Variants in SVIL observed in about 807,000 individuals in gnomAD.
SVIL encodes the protein archvillin.
SVIL carries 101 observed loss-of-function variants against 240.4 expected under a neutral mutation model. The observed-to-expected ratio is 0.42, with a 90% CI of 0.36 to 0.50. The LOEUF is 0.50. SVIL is among the 20% of genes least tolerant of loss of function. The pLI is 0.01. For synonymous variants in SVIL, 999 were observed against 1,100.0 expected, an observed-to-expected ratio of 0.91 and a Z score of 1.82; for missense variants, 2,512 against 2,818.7, an observed-to-expected ratio of 0.89 and a Z score of 2.46.
chr10:29,641,762 G>T (rs1241142738), intron 3 of SVIL, among the ~76,000 whole-genome samples: 2 of 152,178 alleles, frequency 1.3e-5, no homozygotes, highest in Non-Finnish European at 2.9e-5. Flanking sequence ...AAGACCTGCA[G>T]TGACTTACTT....
In SVIL at chr10:29,481,133, G is replaced by GGTGTGTGTGTGTGTGTGT. The variant is rs57479630; in HGVS notation, c.5101-338_5101-321dup. 1.5e-3 allele frequency among the ~76,000 whole-genome samples: 210 copies of GGTGTGTGTGTGTGTGTGT among 141,382 alleles called. 1 individual carries two copies. Among genetic ancestry groups the GGTGTGTGTGTGTGTGTGT allele is most frequent in the African/African-American group, 4.9e-3 (186 of 37,592 alleles). The allele number at this position is 141,382 out of a possible 152,430, so 92.8% of individuals were successfully genotyped here. ...CCTGGGAAGGCTTCCTAGCTTTAAG[G>GGTGTGTGTGTGTGTGTGT]GTGTGTGTGTGTGTGTGTGTGTGTG... On this transcript the variant is annotated intron_variant, in intron 28 of 37. Coordinates refer to ENST00000355867, the MANE Select transcript of SVIL (RefSeq NM_021738.3).
At chr10:29,627,291 C>G (rs1013568841) in intron 1 of SVIL, among the ~76,000 whole-genome samples, 3 of 152,084 alleles carry the variant, frequency 2.0e-5, no homozygotes, top group South Asian at 4.1e-4. Flanking sequence ...ATCTCTGAAA[C>G]CTTTGGATTA....
intron 3 of SVIL, among the ~76,000 whole-genome samples, chr10:29,654,503 T>C (rs1454059661): frequency 2.6e-5 from 4 of 152,188 alleles, no homozygotes; most frequent in Non-Finnish European, 4.4e-5. Context: ...TCTTTTCCAA[T>C]CTGGAAGCCT....
intron 2 of SVIL, among the ~76,000 whole-genome samples, chr10:29,681,063 C>T (rs543527726): frequency 5.9e-5 from 9 of 152,066 alleles, no homozygotes; most frequent in South Asian, 4.2e-4. Context: ...CACTGCAGGG[C>T]GGAAGAGAGG....
intron 1 of SVIL, among the ~76,000 whole-genome samples, chr10:29,725,729 C>T (rs1470850072): frequency 6.6e-6 from 1 of 152,130 alleles, no homozygotes; most frequent in South Asian, 2.1e-4. Context: ...TGGCCAGTTT[C>T]CGCAACGCTC....
At chr10:29,713,629 G>A (rs1381494726) in intron 1 of SVIL, among the ~76,000 whole-genome samples, 1 of 152,076 alleles carries the variant, frequency 6.6e-6, no homozygotes, top group African/African-American at 2.4e-5. Context: ...CTATTCTGGG[G>A]CAAATAGACA....
At chr10:29,492,766 T>C (rs1201224301) in intron 21 of SVIL, among the ~76,000 whole-genome samples, 1 of 152,224 alleles carries the variant, frequency 6.6e-6, no homozygotes, top group Non-Finnish European at 1.5e-5. Context: ...CTAAGTAACA[T>C]GCCTTACTGA....
At chr10:29,501,699 T>C (rs974321943) in intron 17 of SVIL, among the ~76,000 whole-genome samples, 13 of 152,186 alleles carry the variant, frequency 8.5e-5, no homozygotes, top group African/African-American at 2.9e-4. Context: ...AAATAAACGA[T>C]GAGGTTCACT....
intron 32 of SVIL, among the ~76,000 whole-genome samples, chr10:29,469,603 G>T (rs1052259721): frequency 6.6e-6 from 1 of 152,220 alleles, no homozygotes; most frequent in African/African-American, 2.4e-5. Context: ...GGGGGGGCCG[G>T]CCACCACAGC....
chr10:29,577,005 C>T lies in SVIL; in HGVS notation c.-200-7693G>A, dbSNP rs574768859. On this transcript the variant is annotated intron_variant, in intron 1 of 37. Transcript: ENST00000355867. The stretch of plus-strand genomic sequence containing the variant: ...AAGCGATTCCCCTGCCTCAGCCTCC[C>T]GAGTAGCTGGGATTATAGGCACGCT... Among the ~76,000 whole-genome samples the T allele has an allele frequency of 2.6e-5, 4 of 152,168 alleles. No homozygotes were observed. In the South Asian group the frequency reaches 6.2e-4, roughly 24 times the overall value.
Position 29,594,415 on chromosome 10 carries a change from T to A in SVIL, c.-200-25103A>T, listed in dbSNP as rs536863201. Among the ~76,000 whole-genome samples, 393 of 152,292 alleles carry A rather than the reference T, an allele frequency of 2.6e-3. 1 individual carries two copies. Among genetic ancestry groups the A allele is most frequent in the African/African-American group, 9.1e-3 (377 of 41,566 alleles). ...AGTAAACCCTAATTAAACTGTGGACTCTGGGTGATAATGATGTGTCAGTGT... is the reference window on the plus strand; with the variant it reads ...AGTAAACCCTAATTAAACTGTGGACACTGGGTGATAATGATGTGTCAGTGT... On this transcript the variant is annotated intron_variant, in intron 1 of 37. Transcript: ENST00000355867.
In SVIL at chr10:29,458,180, A is replaced by G. The variant is rs41313816; in HGVS notation, c.*67T>C. On this transcript the variant is annotated 3_prime_UTR_variant, in exon 38 of 38. Transcript: ENST00000355867. ...GTGAAAAACACCAGTCCAAAAATAT[A>G]TATCCATTTCCCTGGTGCAGTGGTG... The G allele has an allele frequency of 0.012, 17,122 of 1,464,202 alleles. 129 individuals carry two copies. The highest frequency in any genetic ancestry group is 0.014 in the Non-Finnish European group (15,196 of 1,067,780). The allele number at this position is 1,464,202 out of a possible 1,614,324, so 90.7% of individuals were successfully genotyped here.
intron 16 of SVIL, among the ~76,000 whole-genome samples, chr10:29,515,753 A>G (rs1323788310): frequency 6.6e-6 from 1 of 152,148 alleles, no homozygotes; most frequent in Non-Finnish European, 1.5e-5. Context: ...GTCTTTGAAG[A>G]CCTTCTCAAA....
At chr10:29,582,605 T>C (rs767144698) in intron 1 of SVIL, among the ~76,000 whole-genome samples, 13 of 151,988 alleles carry the variant, frequency 8.6e-5, no homozygotes, top group Non-Finnish European at 1.5e-4. Flanking sequence ...CCAGGAATGA[T>C]GGTGTAGTTC....
At chr10:29,668,588 C>T (rs572707861) in intron 2 of SVIL, among the ~76,000 whole-genome samples, 2 of 152,330 alleles carry the variant, frequency 1.3e-5, no homozygotes, top group East Asian at 1.9e-4. Context: ...ATTCTCCTGT[C>T]TCAGCCTCCC....
At chr10:29,607,385 A>G (rs922199598) in intron 1 of SVIL, among the ~76,000 whole-genome samples, 3 of 151,748 alleles carry the variant, frequency 2.0e-5, no homozygotes, top group Non-Finnish European at 4.4e-5. Flanking sequence ...TGCCTAGTTT[A>G]TTTTTTTTCT....
At chr10:29,630,019 A>C (rs1958023848) in intron 1 of SVIL, among the ~76,000 whole-genome samples, 1 of 128,538 alleles carries the variant, frequency 7.8e-6, no homozygotes, top group Non-Finnish European at 1.8e-5. Context: ...AGAGGTAAAG[A>C]GTGTGGCATT....
intron 1 of SVIL, among the ~76,000 whole-genome samples, chr10:29,722,714 G>A (rs1412548645): frequency 6.6e-6 from 1 of 152,076 alleles, no homozygotes; most frequent in East Asian, 1.9e-4. Flanking sequence ...TCCAATGTAG[G>A]GGCACTAAAA....
chr10:29,681,951 C>G (rs561125875), intron 2 of SVIL, among the ~76,000 whole-genome samples: 1 of 152,270 alleles, frequency 6.6e-6, no homozygotes, highest in African/African-American at 2.4e-5. Flanking sequence ...CACACACTTC[C>G]GCTCAGACCT....
Sources: gnomAD v4.1 joint callset for allele counts (sites outside exome capture counted in the v4.1 genomes callset) on GRCh38, gnomAD v4.1.1 for gene constraint, MANE v1.5 for transcripts, NCBI Gene and HGNC (gene_info 2026-07-23, HGNC 2026-07-21) for gene names.